The following SNTG1 variants were observed in gnomAD, a reference collection of about 807,000 sequenced individuals.
SNTG1 encodes syntrophin gamma 1.
In SNTG1, 39 loss-of-function variants were observed where a neutral mutation model predicts 74.7. That is an observed-to-expected ratio of 0.52 (90% CI 0.40 to 0.68). The LOEUF is 0.68. Among genes scored for constraint, SNTG1 ranks in the 30% least tolerant of loss-of-function variants. The pLI is 0.00. For missense variants in SNTG1, 685 were observed against 609.5 expected (o/e 1.12, Z -1.30); for synonymous variants, 254 against 217.1 (o/e 1.17, Z -1.49).
intron 17 of SNTG1, among the ~76,000 whole-genome samples, chr8:50,719,453 C>T (rs2095482566): frequency 6.6e-6 from 1 of 152,134 alleles, no homozygotes. Flanking sequence ...CTTGGACTTC[C>T]AGTCTCCAGA....
At chr8:50,550,656 C>G (rs928001839) in intron 11 of SNTG1, among the ~76,000 whole-genome samples, 3 of 151,000 alleles carry the variant, frequency 2.0e-5, no homozygotes, top group Non-Finnish European at 4.4e-5. Context: ...AAACTTCAGA[C>G]TAACTCTTCA....
intron 2 of SNTG1, among the ~76,000 whole-genome samples, chr8:50,261,345 C>T (rs1412893118): frequency 6.6e-6 from 1 of 151,984 alleles, no homozygotes; most frequent in Non-Finnish European, 1.5e-5. Flanking sequence ...AAAACTTTTC[C>T]AGATAAATAA....
At chr8:50,020,544 TTTC>T (rs1816730345) in intron 1 of SNTG1, among the ~76,000 whole-genome samples, 1 of 152,198 alleles carries the variant, frequency 6.6e-6, no homozygotes, top group Non-Finnish European at 1.5e-5. Flanking sequence ...TGTAAAATAT[TTTC>T]TTCTTATAAT....
chr8:50,488,334 T>A (rs994447103), intron 8 of SNTG1, among the ~76,000 whole-genome samples: 26 of 152,212 alleles, frequency 1.7e-4, no homozygotes, highest in Non-Finnish European at 3.7e-4. Flanking sequence ...GTCTGCCACA[T>A]ATTAGGTGCT....
intron 1 of SNTG1, among the ~76,000 whole-genome samples, chr8:49,961,939 A>G (rs944167898): frequency 3.3e-5 from 5 of 152,218 alleles, no homozygotes; most frequent in Admixed American, 2.6e-4. Context: ...CTGGCTTTAC[A>G]AAAGGGATTT....
chr8:50,485,279 T>C (rs770493347), intron 8 of SNTG1, among the ~76,000 whole-genome samples: 25 of 152,340 alleles, frequency 1.6e-4, no homozygotes, highest in Non-Finnish European at 3.1e-4. Context: ...CTGTACCACA[T>C]TTCAGTGATG....
intron 2 of SNTG1, among the ~76,000 whole-genome samples, chr8:50,252,824 C>CAA (rs1292109543): frequency 6.6e-6 from 1 of 152,172 alleles, no homozygotes; most frequent in Non-Finnish European, 1.5e-5. Flanking sequence ...TTGACAGTCA[C>CAA]ATTTCAACAT....
chr8:49,930,452 T>A (rs993952942), intron 1 of SNTG1, among the ~76,000 whole-genome samples: 3 of 150,540 alleles, frequency 2.0e-5, no homozygotes, highest in Non-Finnish European at 4.4e-5. Flanking sequence ...AATCTAGCAA[T>A]CTAGAAATAA....
intron 9 of SNTG1, among the ~76,000 whole-genome samples, chr8:50,510,653 T>C (rs2094061899): frequency 6.6e-6 from 1 of 152,226 alleles, no homozygotes; most frequent in African/African-American, 2.4e-5. Context: ...GGAGGGTGTA[T>C]ATGTCGAGGA....
At chr8:50,509,809 A>T (rs925521247) in intron 9 of SNTG1, among the ~76,000 whole-genome samples, 8 of 152,024 alleles carry the variant, frequency 5.3e-5, no homozygotes, top group Non-Finnish European at 7.3e-5. Flanking sequence ...GCTTAAGGAG[A>T]TTTTGGGCTG....
At chr8:50,105,106 C>T (rs2080313220) in intron 1 of SNTG1, among the ~76,000 whole-genome samples, 1 of 152,036 alleles carries the variant, frequency 6.6e-6, no homozygotes, top group African/African-American at 2.4e-5. Flanking sequence ...ATCTTGAAAT[C>T]TTTGCCATAT....
At chr8:50,013,503 A>G (rs1346275129) in intron 1 of SNTG1, among the ~76,000 whole-genome samples, 1 of 151,592 alleles carries the variant, frequency 6.6e-6, no homozygotes, top group African/African-American at 2.4e-5. Flanking sequence ...AGATAGATAG[A>G]TAGAGATATA....
At chr8:50,426,144 A>G (rs1296428814) in intron 4 of SNTG1, among the ~76,000 whole-genome samples, 1 of 152,178 alleles carries the variant, frequency 6.6e-6, no homozygotes, top group Non-Finnish European at 1.5e-5. Context: ...AAATTGTAAC[A>G]CAAGTCCATA....
intron 13 of SNTG1, chr8:50,644,074 C>G (rs927526811): frequency 6.6e-6 from 1 of 152,202 alleles, no homozygotes; most frequent in South Asian, 2.1e-4. Context: ...GCCCTGGATG[C>G]CGAGGGAAGA....
At chr8:50,034,292 C>A (rs1040436295) in intron 1 of SNTG1, among the ~76,000 whole-genome samples, 11 of 152,098 alleles carry the variant, frequency 7.2e-5, no homozygotes, top group Non-Finnish European at 1.5e-5. Flanking sequence ...AAATCACACT[C>A]CTATATTCAT....
intron 1 of SNTG1, among the ~76,000 whole-genome samples, chr8:50,138,467 A>T (rs1183822349): frequency 6.6e-6 from 1 of 151,772 alleles, no homozygotes; most frequent in African/African-American, 2.4e-5. Flanking sequence ...ATAAAAAAAA[A>T]ATAAAAAATT....
intron 8 of SNTG1, among the ~76,000 whole-genome samples, chr8:50,485,288 T>C (rs186542853): frequency 1.3e-5 from 2 of 152,250 alleles, no homozygotes; most frequent in African/African-American, 4.8e-5. Context: ...ATTTCAGTGA[T>C]GTCAGTATTA....
At chr8:50,610,881 C>T (rs538238703) in intron 13 of SNTG1, among the ~76,000 whole-genome samples, 7 of 152,058 alleles carry the variant, frequency 4.6e-5, no homozygotes, top group East Asian at 3.9e-4. Context: ...AATCATTGTT[C>T]GTGACTGTTT....
intron 1 of SNTG1, among the ~76,000 whole-genome samples, chr8:50,114,887 A>G (rs1202247989): frequency 6.6e-6 from 1 of 151,984 alleles, no homozygotes; most frequent in African/African-American, 2.4e-5. Context: ...AAATATATGA[A>G]CAAGTTCTGG....
Sources: allele counts gnomAD v4.1 joint callset (sites outside exome capture counted in the v4.1 genomes callset), GRCh38; gene constraint gnomAD v4.1.1; transcripts MANE v1.5; gene names NCBI Gene and HGNC (gene_info 2026-07-23, HGNC 2026-07-21).